Variants in DCDC1 observed in about 807,000 individuals in gnomAD.
DCDC1 encodes doublecortin domain containing 1, also known as doublecortin domain-containing protein 1.
A neutral mutation model predicts 178.3 loss-of-function variants in DCDC1; 200 were observed. That is an observed-to-expected ratio of 1.12 (90% confidence interval 1.00 to 1.26). The LOEUF (loss-of-function observed/expected upper bound fraction) is 1.26. Among genes scored for constraint, DCDC1 ranks in the 50% most tolerant of loss-of-function variants. The pLI, the probability that DCDC1 is intolerant of heterozygous loss-of-function variation, is 0.00. For synonymous variants in DCDC1, 690 were observed against 604.8 expected, an observed-to-expected ratio of 1.14 and a Z score of -2.07; for missense variants, 1,983 against 1,749.2, an observed-to-expected ratio of 1.13 and a Z score of -2.38.
chr11:30,988,172 T>G (rs989961941), intron 20 of DCDC1, among the ~76,000 whole-genome samples: 1 of 152,054 alleles, frequency 6.6e-6, no homozygotes, highest in Non-Finnish European at 1.5e-5. Context: ...GGCTGCTAGA[T>G]GGAGAATAAA....
At chr11:30,899,233 G>A (rs1944474051) in intron 34 of DCDC1, among the ~76,000 whole-genome samples, 1 of 151,880 alleles carries the variant, frequency 6.6e-6, no homozygotes, top group Non-Finnish European at 1.5e-5. Flanking sequence ...GTCTGTTGAG[G>A]GATTATTTCA....
chr11:31,315,137 T>A (rs952782052), intron 3 of DCDC1, among the ~76,000 whole-genome samples: 2 of 152,044 alleles, frequency 1.3e-5, no homozygotes, highest in African/African-American at 4.8e-5. Context: ...ATGGCATTAG[T>A]AAACCTTAGT....
chr11:31,269,455 T>C (rs553813705), intron 7 of DCDC1, among the ~76,000 whole-genome samples: 15 of 152,012 alleles, frequency 9.9e-5, no homozygotes, highest in Non-Finnish European at 2.1e-4. Context: ...TGATCACACC[T>C]CATTGCATCC....
chr11:31,290,228 T>G (rs1283132766), intron 7 of DCDC1, among the ~76,000 whole-genome samples: 1 of 152,000 alleles, frequency 6.6e-6, no homozygotes, highest in Non-Finnish European at 1.5e-5. Flanking sequence ...CTTTGCTAAT[T>G]CTTTAGAGGA....
chr11:31,159,351 G>A (rs1966077070), intron 9 of DCDC1, among the ~76,000 whole-genome samples: 1 of 152,146 alleles, frequency 6.6e-6, no homozygotes, highest in Non-Finnish European at 1.5e-5. Context: ...TATCCACTCT[G>A]TGATTTTTAA....
rs1018997709 is a variant in DCDC1, at chr11:31,360,605, A to G, written c.-125+9092T>C. Among the ~76,000 whole-genome samples, 5 of 152,314 alleles carry G rather than the reference A, an allele frequency of 3.3e-5. No homozygotes were observed. In the South Asian group the frequency reaches 6.2e-4, roughly 19 times the overall value. ...TTATGTGACTCTGTTCTCTGTCTCA[A>G]AATATCTCATTTTACAATACTTACC... On this transcript the variant is annotated intron_variant, in intron 1 of 38. Coordinates refer to ENST00000684477, the MANE Select transcript of DCDC1 (RefSeq NM_001387274.1).
Position 31,091,657 on chromosome 11 carries a change from T to A in DCDC1, c.2119-146A>T. 3 of 598,514 alleles carry A rather than the reference T, an allele frequency of 5.0e-6. 1 individual carries two copies. The South Asian group carries it at 6.1e-5, about 12-fold the overall frequency. The allele number at this position is 598,514 out of a possible 1,614,324, so 37.1% of individuals were successfully genotyped here. A position where few individuals can be genotyped will look rare whatever the true frequency, so the allele number is the denominator to read the frequency against. ...TGAAAGTGAAACACTACCCACAACTTAGCAGTCAGCGAGCCCTGCTCAGAA... is the reference window on the plus strand; with the variant it reads ...TGAAAGTGAAACACTACCCACAACTAAGCAGTCAGCGAGCCCTGCTCAGAA... On this transcript the variant is annotated intron_variant, in intron 16 of 38. Transcript: ENST00000684477.
intron 9 of DCDC1, among the ~76,000 whole-genome samples, chr11:31,150,831 A>T (rs1172353416): frequency 1.3e-5 from 2 of 152,244 alleles, no homozygotes; most frequent in African/African-American, 4.8e-5. Context: ...AAAAGGAGAT[A>T]AACTATTATC....
chr11:31,250,495 C>A (rs367942619), intron 8 of DCDC1, among the ~76,000 whole-genome samples: 1 of 145,196 alleles, frequency 6.9e-6, no homozygotes, highest in African/African-American at 2.6e-5. Flanking sequence ...TTTTGAGTCA[C>A]CCCCAACCCC....
At chr11:30,979,521 G>T (rs1950278090) in intron 20 of DCDC1, among the ~76,000 whole-genome samples, 1 of 152,168 alleles carries the variant, frequency 6.6e-6, no homozygotes, top group African/African-American at 2.4e-5. Context: ...GTGACCAAGG[G>T]TGAGTAGGGA....
intron 21 of DCDC1, chr11:30,943,417 A>C (rs972038354): frequency 7.8e-6 from 2 of 256,020 alleles, no homozygotes; most frequent in South Asian, 8.7e-5. Flanking sequence ...TAGAGTAATA[A>C]ACTTTTAGCT....
chr11:31,341,426 G>GATACATAC (rs5790857), intron 1 of DCDC1, among the ~76,000 whole-genome samples: 1 of 151,222 alleles, frequency 6.6e-6, no homozygotes, highest in Non-Finnish European at 1.5e-5. Context: ...TAGATAGATA[G>GATACATAC]ATAGATAGAT....
At chr11:31,048,602 C>T (rs1264854499) in intron 20 of DCDC1, among the ~76,000 whole-genome samples, 1 of 152,004 alleles carries the variant, frequency 6.6e-6, no homozygotes, top group African/African-American at 2.4e-5. Flanking sequence ...GCCTGTAATC[C>T]CAGCACTTGG....
intron 9 of DCDC1, among the ~76,000 whole-genome samples, chr11:31,194,588 C>T (rs1970469722): frequency 6.6e-6 from 1 of 151,958 alleles, no homozygotes; most frequent in South Asian, 2.1e-4. Context: ...TATGAGCCTT[C>T]TTTGTATAAT....
chr11:31,123,722 G>C (rs1011691344), intron 11 of DCDC1, among the ~76,000 whole-genome samples: 1 of 151,902 alleles, frequency 6.6e-6, no homozygotes, highest in African/African-American at 2.4e-5. Context: ...AAATGGAGCT[G>C]AGTACTTTAT....
At chr11:30,987,443 C>T (rs991269177) in intron 20 of DCDC1, among the ~76,000 whole-genome samples, 1 of 152,154 alleles carries the variant, frequency 6.6e-6, no homozygotes, top group Non-Finnish European at 1.5e-5. Flanking sequence ...ACAAGACAAA[C>T]ATTTTTACTG....
chr11:31,154,589 A>G (rs551627241), intron 9 of DCDC1, among the ~76,000 whole-genome samples: 3 of 152,340 alleles, frequency 2.0e-5, no homozygotes, highest in South Asian at 2.1e-4. Context: ...CAGAATAGAT[A>G]TTTAACAAAT....
At chr11:31,091,051 G>A (rs941414681) in intron 17 of DCDC1, among the ~76,000 whole-genome samples, 5 of 152,104 alleles carry the variant, frequency 3.3e-5, no homozygotes, top group African/African-American at 1.2e-4. Context: ...ATGGAAAAAG[G>A]TTATGAATAT....
intron 1 of DCDC1, among the ~76,000 whole-genome samples, chr11:31,361,278 A>C (rs1296671218): frequency 6.6e-6 from 1 of 152,192 alleles, no homozygotes; most frequent in Non-Finnish European, 1.5e-5. Flanking sequence ...AGATGGATCC[A>C]AGATGGCATG....
Sources: gnomAD v4.1 joint callset for allele counts (sites outside exome capture counted in the v4.1 genomes callset) on GRCh38, gnomAD v4.1.1 for gene constraint, MANE v1.5 for transcripts, NCBI Gene and HGNC (gene_info 2026-07-23, HGNC 2026-07-21) for gene names.